MAGI2: variants seen among roughly 807,000 people sequenced by gnomAD.
MAGI2 encodes membrane associated guanylate kinase, WW and PDZ domain containing 2, also known as membrane-associated guanylate kinase, WW and PDZ domain-containing protein 2.
A neutral mutation model predicts 133.3 loss-of-function variants in MAGI2; 35 were observed. The ratio of observed to expected loss-of-function variants is 0.26; its 90% confidence interval spans 0.20 to 0.35. The LOEUF (loss-of-function observed/expected upper bound fraction) is 0.35. MAGI2 is among the 10% of genes least tolerant of loss of function. The pLI is 1.00. For synonymous variants in MAGI2, 729 were observed against 710.6 expected (o/e 1.03, Z -0.41); for missense variants, 1,636 against 1,863.4 (o/e 0.88, Z 2.25).
chr7:78,432,698 CA>C (rs570779582), intron 6 of MAGI2, among the ~76,000 whole-genome samples: 80 of 151,814 alleles, frequency 5.3e-4, no homozygotes, highest in African/African-American at 1.6e-3. Flanking sequence ...AGATTTATTC[CA>C]ATTGTTTCTT....
At chr7:78,375,147 G>C (rs1794318776) in intron 6 of MAGI2, among the ~76,000 whole-genome samples, 1 of 152,158 alleles carries the variant, frequency 6.6e-6, no homozygotes, top group East Asian at 1.9e-4. Flanking sequence ...CCAGGCTTCT[G>C]TTGATGTCTT....
At chr7:78,398,931 A>C (rs532232547) in intron 6 of MAGI2, among the ~76,000 whole-genome samples, 1 of 152,142 alleles carries the variant, frequency 6.6e-6, no homozygotes, top group Non-Finnish European at 1.5e-5. Flanking sequence ...CCCAGTGCAA[A>C]TTTTCTTTGA....
At chr7:78,724,878 G>A (rs188631807) in intron 2 of MAGI2, among the ~76,000 whole-genome samples, 3 of 152,310 alleles carry the variant, frequency 2.0e-5, no homozygotes, top group African/African-American at 2.4e-5. Context: ...CATTGAAGGA[G>A]TGACTTTAGA....
chr7:78,627,332 A>G (rs1318684989), intron 2 of MAGI2, 93 bp from the exon 3 acceptor site: 1 of 1,157,092 alleles, frequency 8.6e-7, no homozygotes, highest in African/African-American at 1.6e-5. Context: ...ATTCAGTGCC[A>G]CTTGTTTGTA....
chr7:78,897,192 A>G (rs1324156659), intron 2 of MAGI2, among the ~76,000 whole-genome samples: 3 of 152,222 alleles, frequency 2.0e-5, no homozygotes, highest in Non-Finnish European at 4.4e-5. Flanking sequence ...TATAAGGAAC[A>G]CTTCTGAAGG....
At chr7:78,830,923 T>C (rs1434227214) in intron 2 of MAGI2, among the ~76,000 whole-genome samples, 2 of 152,212 alleles carry the variant, frequency 1.3e-5, no homozygotes, top group Non-Finnish European at 2.9e-5. Flanking sequence ...GGATGAAGGA[T>C]TCACCCACAT....
At chr7:78,534,430 C>T (rs1051857580) in intron 3 of MAGI2, among the ~76,000 whole-genome samples, 2 of 152,136 alleles carry the variant, frequency 1.3e-5, no homozygotes, top group African/African-American at 4.8e-5. Flanking sequence ...AGCCAAATGG[C>T]TAAACTATAT....
chr7:78,367,997 C>T (rs770404729), intron 7 of MAGI2, among the ~76,000 whole-genome samples: 3 of 152,122 alleles, frequency 2.0e-5, no homozygotes, highest in Non-Finnish European at 4.4e-5. Flanking sequence ...TGACACCATA[C>T]ATTAGATACT....
At chr7:78,964,542 T>G (rs763837066) in intron 2 of MAGI2, among the ~76,000 whole-genome samples, 1 of 152,058 alleles carries the variant, frequency 6.6e-6, no homozygotes, top group African/African-American at 2.4e-5. Context: ...TTATTTACTT[T>G]GAAAGAATTT....
At chr7:79,081,403 C>G (rs1816023225) in intron 1 of MAGI2, among the ~76,000 whole-genome samples, 1 of 152,130 alleles carries the variant, frequency 6.6e-6, no homozygotes, top group South Asian at 2.1e-4. Flanking sequence ...TATTGTCTAT[C>G]TCCCTTGCCA....
intron 1 of MAGI2, among the ~76,000 whole-genome samples, chr7:79,131,183 A>T (rs1820910115): frequency 6.6e-6 from 1 of 152,216 alleles, no homozygotes; most frequent in Non-Finnish European, 1.5e-5. Context: ...AGCAGGGTCC[A>T]ACATCTCCTG....
intron 6 of MAGI2, among the ~76,000 whole-genome samples, chr7:78,480,214 T>C (rs1214960250): frequency 2.0e-5 from 3 of 151,684 alleles, no homozygotes; most frequent in Admixed American, 2.0e-4. Flanking sequence ...TTGAAAAAAA[T>C]CCCCAGGACA....
intron 2 of MAGI2, among the ~76,000 whole-genome samples, chr7:78,926,846 T>C (rs1266200830): frequency 6.6e-6 from 1 of 151,860 alleles, no homozygotes; most frequent in African/African-American, 2.4e-5. Context: ...TTTTTCCTTT[T>C]GCAAAAGTGG....
Position 78,511,555 on chromosome 7 carries a change from T to TAA in MAGI2, c.755-9769_755-9768insTT, listed in dbSNP as rs1563103866. Among the ~76,000 whole-genome samples, 283 of 118,706 alleles carry TAA rather than the reference T, an allele frequency of 2.4e-3. 1 individual carries two copies. Among genetic ancestry groups the TAA allele is most frequent in the African/African-American group, 8.5e-3 (272 of 31,920 alleles). The allele number at this position is 118,706 out of a possible 152,430, so 77.9% of individuals were successfully genotyped here. On this transcript the variant is annotated intron_variant, in intron 4 of 21. Transcript: ENST00000354212. ...CTTTTATATATATATATATAAATTT[T>TAA]TTTTTTTTTTTTTTTGACACAGTGA...
chr7:79,363,962 T>C (rs1332223000), intron 1 of MAGI2, among the ~76,000 whole-genome samples: 2 of 151,888 alleles, frequency 1.3e-5, no homozygotes, highest in South Asian at 2.1e-4. Flanking sequence ...AAAGAAGACA[T>C]ACAAATTGCA....
At chr7:78,609,649 C>T (rs1481787560) in intron 3 of MAGI2, among the ~76,000 whole-genome samples, 2 of 152,128 alleles carry the variant, frequency 1.3e-5, no homozygotes, top group African/African-American at 4.8e-5. Context: ...CTACTACCCA[C>T]CCAAACCTTC....
At chr7:78,083,351 GGAGAT>G in intron 20 of MAGI2, among the ~76,000 whole-genome samples, 3 of 79,788 alleles carry the variant, frequency 3.8e-5, no homozygotes, top group Non-Finnish European at 7.6e-5. Flanking sequence ...AGAGGGAGAA[GGAGAT>G]GGTGGGGGGG....
chr7:79,244,832 C>T (rs750245480), intron 1 of MAGI2, among the ~76,000 whole-genome samples: 1 of 152,182 alleles, frequency 6.6e-6, no homozygotes, highest in Non-Finnish European at 1.5e-5. Flanking sequence ...CCACAGCTTA[C>T]AGCTCTGGGA....
intron 6 of MAGI2, among the ~76,000 whole-genome samples, chr7:78,409,372 G>A (rs553327529): frequency 6.7e-4 from 102 of 152,204 alleles, no homozygotes; most frequent in African/African-American, 2.3e-3. Flanking sequence ...AAGTCCTGTA[G>A]AAGTGAAAGA....
Sources: gnomAD v4.1 joint callset for allele counts (sites outside exome capture counted in the v4.1 genomes callset) on GRCh38, gnomAD v4.1.1 for gene constraint, MANE v1.5 for transcripts, NCBI Gene and HGNC (gene_info 2026-07-23, HGNC 2026-07-21) for gene names.